Variants in SORCS1 observed in about 807,000 individuals in gnomAD.
SORCS1 encodes VPS10 domain-containing receptor SorCS1.
A neutral mutation model predicts 146.1 loss-of-function variants in SORCS1; 60 were observed. The observed-to-expected ratio is 0.41, with a 90% CI of 0.33 to 0.51. SORCS1 has a LOEUF of 0.51. Ranked by LOEUF, SORCS1 falls within the 20% of genes least tolerant of loss-of-function variation. SORCS1 has a pLI of 0.21. For missense variants in SORCS1, 1,352 were observed against 1,487.6 expected, an observed-to-expected ratio of 0.91 and a Z score of 1.50; for synonymous variants, 637 against 584.0, an observed-to-expected ratio of 1.09 and a Z score of -1.31.
intron 11 of SORCS1, 63 bp downstream of exon 11, chr10:106,679,569 G>A: frequency 7.4e-7 from 1 of 1,355,650 alleles, no homozygotes; most frequent in Non-Finnish European, 1.0e-6. Context: ...TCCAAGTACA[G>A]ATATCTAGCT....
intron 1 of SORCS1, among the ~76,000 whole-genome samples, chr10:107,020,425 A>G (rs1387472087): frequency 1.3e-5 from 2 of 152,228 alleles, no homozygotes; most frequent in Non-Finnish European, 2.9e-5. Context: ...TGGCATCCAT[A>G]AGTTTGAAGA....
At chr10:106,676,867 A>C (rs1852067539) in intron 13 of SORCS1, among the ~76,000 whole-genome samples, 1 of 152,162 alleles carries the variant, frequency 6.6e-6, no homozygotes. Flanking sequence ...AAGGAGCTGA[A>C]ACTTACCAGA....
intron 2 of SORCS1, among the ~76,000 whole-genome samples, chr10:106,850,107 G>A (rs898426756): frequency 2.9e-4 from 44 of 151,892 alleles, no homozygotes; most frequent in African/African-American, 1.0e-3. Context: ...GCTGTGGTGG[G>A]CTCCACCCAG....
intron 1 of SORCS1, among the ~76,000 whole-genome samples, chr10:107,114,578 C>T (rs1965900691): frequency 6.6e-6 from 1 of 152,010 alleles, no homozygotes; most frequent in Non-Finnish European, 1.5e-5. Context: ...AAACTCTCAA[C>T]AAATTAGATG....
chr10:106,673,109 C>T, intron 14 of SORCS1, 124 bp from the exon 15 acceptor site: 6 of 689,846 alleles, frequency 8.7e-6, no homozygotes, highest in East Asian at 8.6e-5. Flanking sequence ...ATCATTTAAT[C>T]CTCAAAACGC....
At chr10:107,006,774 G>C (rs1039365413) in intron 1 of SORCS1, among the ~76,000 whole-genome samples, 3 of 152,332 alleles carry the variant, frequency 2.0e-5, no homozygotes, top group East Asian at 3.9e-4. Context: ...CCGAGATTGT[G>C]CCACTGCATT....
rs547590347 is a variant in SORCS1 at position 107,122,912 on chromosome 10, A to G, written c.558+41057T>C. Among the ~76,000 whole-genome samples, 3 of 152,320 alleles carry G rather than the reference A, an allele frequency of 2.0e-5. No individual in the cohort carries two copies. In the East Asian group the frequency reaches 5.8e-4, roughly 29 times the overall value. ...ACATTGTTAGAGAGGCAAAGACAGT[A>G]TCAGTCATTTTGACAAGCCCCTTCT... On this transcript the variant is annotated intron_variant, in intron 1 of 25. Coordinates refer to ENST00000263054, the MANE Select transcript of SORCS1 (RefSeq NM_052918.5).
intron 17 of SORCS1, among the ~76,000 whole-genome samples, chr10:106,653,370 C>A (rs1850029076): frequency 6.6e-6 from 1 of 152,122 alleles, no homozygotes; most frequent in Admixed American, 6.6e-5. Flanking sequence ...TTTGATTTCC[C>A]AAGTTTATTT....
At chr10:106,687,828 T>C (rs915800634) in intron 10 of SORCS1, among the ~76,000 whole-genome samples, 2 of 152,156 alleles carry the variant, frequency 1.3e-5, no homozygotes, top group Non-Finnish European at 2.9e-5. Flanking sequence ...TACAGCTGAA[T>C]TTATGTATCA....
chr10:107,044,639 T>C (rs1959216570), intron 1 of SORCS1, among the ~76,000 whole-genome samples: 1 of 150,136 alleles, frequency 6.7e-6, no homozygotes, highest in Admixed American at 6.7e-5. Context: ...CTGGCCAATA[T>C]GGTGAAACCC....
At chr10:107,110,735 G>T (rs144593337) in intron 1 of SORCS1, among the ~76,000 whole-genome samples, 1 of 151,204 alleles carries the variant, frequency 6.6e-6, no homozygotes, top group African/African-American at 2.4e-5. Context: ...TTTAAGCCAT[G>T]GCTGGGGTCA....
chr10:107,027,554 G>C (rs1187910776), intron 1 of SORCS1, among the ~76,000 whole-genome samples: 1 of 152,132 alleles, frequency 6.6e-6, no homozygotes, highest in Non-Finnish European at 1.5e-5. Context: ...CTGTGTGATA[G>C]GACTTCAGGT....
chr10:107,034,699 A>AC (rs1393189122), intron 1 of SORCS1, among the ~76,000 whole-genome samples: 1 of 146,732 alleles, frequency 6.8e-6, no homozygotes, highest in East Asian at 2.0e-4. Context: ...AAAAAAAAAA[A>AC]AAAAAAAACA....
At chr10:106,993,123 C>A (rs1956843457) in intron 1 of SORCS1, among the ~76,000 whole-genome samples, 5 of 152,128 alleles carry the variant, frequency 3.3e-5, no homozygotes, top group Admixed American at 3.3e-4. Flanking sequence ...AGCCACCACG[C>A]CCAGCCGGGC....
At chr10:107,175,637 T>C in the SORCS1 span, among the ~76,000 whole-genome samples, 4 of 152,110 alleles carry the variant, frequency 2.6e-5, no homozygotes, top group African/African-American at 9.7e-5. Context: ...GGTTTCACCA[T>C]GTGACCCAGG....
At chr10:106,603,499 C>T (rs1013332140) in intron 23 of SORCS1, among the ~76,000 whole-genome samples, 1 of 152,284 alleles carries the variant, frequency 6.6e-6, no homozygotes, top group Admixed American at 6.5e-5. Context: ...TCGCTGCTCC[C>T]CAGGAAGGCT....
intron 5 of SORCS1, among the ~76,000 whole-genome samples, chr10:106,749,102 A>C (rs960295859): frequency 7.2e-5 from 11 of 152,178 alleles, no homozygotes; most frequent in Admixed American, 3.3e-4. Flanking sequence ...TTTTCAAAGG[A>C]TAGACTGTGA....
At chr10:107,137,846 G>C (rs964290933) in intron 1 of SORCS1, among the ~76,000 whole-genome samples, 10 of 143,848 alleles carry the variant, frequency 7.0e-5, no homozygotes, top group Non-Finnish European at 3.0e-5. Context: ...TGGGCAACAA[G>C]AGCGAAACTC....
At chr10:106,773,681 G>A (rs912137275) in intron 4 of SORCS1, among the ~76,000 whole-genome samples, 1 of 152,178 alleles carries the variant, frequency 6.6e-6, no homozygotes, top group Admixed American at 6.5e-5. Context: ...TGGGCGTGGT[G>A]GCTCATGTCC....
Sources: allele counts gnomAD v4.1 joint callset (sites outside exome capture counted in the v4.1 genomes callset), GRCh38; gene constraint gnomAD v4.1.1; transcripts MANE v1.5; gene names NCBI Gene and HGNC (gene_info 2026-07-23, HGNC 2026-07-21).